CDK5RAP2: variants seen among roughly 807,000 people sequenced by gnomAD.
CDK5RAP2 encodes CDK5 regulatory subunit-associated protein 2.
Under a neutral mutation model 232.9 loss-of-function variants are expected in CDK5RAP2, and 147 were observed. The observed-to-expected ratio is 0.63, with a 90% confidence interval of 0.55 to 0.72. The LOEUF (loss-of-function observed/expected upper bound fraction) is 0.72. Among genes scored for constraint, CDK5RAP2 ranks in the 30% least tolerant of loss-of-function variants. The probability of loss-of-function intolerance (pLI) is 0.00; values close to 1 mark genes in which losing one functional copy is unlikely to be tolerated. For synonymous variants in CDK5RAP2, 833 were observed against 833.7 expected (o/e 1.00, Z 0.01); for missense variants, 2,195 against 2,231.5 (o/e 0.98, Z 0.33).
rs142063802 is a variant in CDK5RAP2 at position 120,519,468 on chromosome 9, T to C, written c.1093-823A>G. Among the ~76,000 whole-genome samples, 539 of 151,554 alleles carry C rather than the reference T, an allele frequency of 3.6e-3. 1 individual carries two copies. Among genetic ancestry groups the C allele is most frequent in the African/African-American group, 0.011 (464 of 41,398 alleles). On this transcript the variant is annotated intron_variant, in intron 11 of 37. Coordinates refer to ENST00000349780, the MANE Select transcript of CDK5RAP2 (RefSeq NM_018249.6). Reference sequence around the variant, plus strand: ...ACCAAAACAAAACAACCTTGACAAATAGATTCGGGTATATGAAGACAGATT... The same window carrying C: ...ACCAAAACAAAACAACCTTGACAAACAGATTCGGGTATATGAAGACAGATT...
chr9:120,463,868 T>A (rs923014557), intron 18 of CDK5RAP2, among the ~76,000 whole-genome samples: 26 of 152,198 alleles, frequency 1.7e-4, no homozygotes, highest in African/African-American at 6.0e-4. Flanking sequence ...TCATGCTGCA[T>A]GCTATTTACT....
chr9:120,490,557 A>C (rs2038850115), intron 13 of CDK5RAP2, among the ~76,000 whole-genome samples: 1 of 152,186 alleles, frequency 6.6e-6, no homozygotes. Flanking sequence ...TGCAGCATAA[A>C]CCAGCTTGCT....
intron 12 of CDK5RAP2, among the ~76,000 whole-genome samples, chr9:120,503,913 CA>C (rs1431686062): frequency 6.6e-6 from 1 of 152,094 alleles, no homozygotes; most frequent in Non-Finnish European, 1.5e-5. Context: ...TCTTGTCATC[CA>C]ACAGTTAACC....
chr9:120,407,820 C>T (rs1301622013), intron 31 of CDK5RAP2: 2 of 205,314 alleles, frequency 9.7e-6, no homozygotes, highest in African/African-American at 4.7e-5. Context: ...CAGAGAGCAA[C>T]GAGGCCAACA....
chr9:120,413,794 T>C (rs1319054832), intron 28 of CDK5RAP2, among the ~76,000 whole-genome samples: 1 of 104,918 alleles, frequency 9.5e-6, no homozygotes, highest in Non-Finnish European at 1.9e-5. Flanking sequence ...ATGCAGGAAA[T>C]GGGCGCAGTG....
chr9:120,447,014 G>C (rs2036228974), intron 22 of CDK5RAP2, among the ~76,000 whole-genome samples: 1 of 152,154 alleles, frequency 6.6e-6, no homozygotes. Context: ...ATGTAAGCTA[G>C]ACAAAGACTT....
rs112852022 is a variant in CDK5RAP2, at chr9:120,427,691, A to G, written c.3956-4950T>C. ...TAGGCAGAATTTCTCTAATTTCTCT[A>G]AGTGGAAAGGGAGTAGAAGTCTTAC... is the stretch of plus-strand genomic sequence containing the variant. On this transcript the variant is annotated intron_variant, in intron 25 of 37. Transcript: ENST00000349780. Among the ~76,000 whole-genome samples the G allele has an allele frequency of 7.6e-3, 1,160 of 152,330 alleles. 14 individuals carry two copies. The highest frequency in any genetic ancestry group is 0.026 in the African/African-American group (1,095 of 41,578).
At chr9:120,480,463 GAT>G (rs1318901280) in intron 14 of CDK5RAP2, among the ~76,000 whole-genome samples, 4 of 152,150 alleles carry the variant, frequency 2.6e-5, no homozygotes, top group African/African-American at 9.7e-5. Flanking sequence ...ATATGTTGCA[GAT>G]ATCTCAAAAT....
At chr9:120,446,156 C>A (rs1682711899) in intron 22 of CDK5RAP2, among the ~76,000 whole-genome samples, 1 of 152,250 alleles carries the variant, frequency 6.6e-6, no homozygotes, top group East Asian at 1.9e-4. Flanking sequence ...CAAACAGAGA[C>A]AATATGCAAA....
At position 120,430,536 on chromosome 9, in the gene CDK5RAP2, G is replaced by T. The variant is rs1201745189; in HGVS notation, c.3955+6759C>A. 1.6e-4 allele frequency among the ~76,000 whole-genome samples: 24 copies of T among 152,052 alleles called. No individual in the cohort carries two copies. The East Asian group carries it at 2.1e-3, about 13-fold the overall frequency. ...ATGCTCATCATCACTGGCCATCAGA[G>T]AAATGCAAATCAAAACCACAATGAG... On this transcript the variant is annotated intron_variant, in intron 25 of 37. Transcript: ENST00000349780.
chr9:120,437,021 G>A (rs1274483390), intron 25 of CDK5RAP2, among the ~76,000 whole-genome samples: 1 of 152,200 alleles, frequency 6.6e-6, no homozygotes, highest in Admixed American at 6.5e-5. Context: ...CTGAGTGAGA[G>A]GCAGTGCCTT....
At position 120,435,469 on chromosome 9, in the gene CDK5RAP2, T is replaced by TTA. The variant is rs34299784; in HGVS notation, c.3955+1824_3955+1825dup. 3.7e-4 allele frequency among the ~76,000 whole-genome samples: 41 copies of TTA among 110,906 alleles called. No homozygotes were observed. In the South Asian group the frequency reaches 0.013, roughly 35 times the overall value. 72.8% of individuals were successfully genotyped at this position (110,906 alleles called of 152,430 possible). A position where few individuals can be genotyped will look rare whatever the true frequency, so the allele number is the denominator to read the frequency against. ...TTTTTTTAAAAAATAAATTACACAT[T>TTA]TACACACACACACACACACACACAC... On this transcript the variant is annotated intron_variant, in intron 25 of 37. Transcript: ENST00000349780.
chr9:120,425,207 G>A (rs1038461508), intron 25 of CDK5RAP2, among the ~76,000 whole-genome samples: 4 of 152,048 alleles, frequency 2.6e-5, no homozygotes, highest in South Asian at 2.1e-4. Flanking sequence ...ACAGACCCTC[G>A]AGGAGCTTGC....
At chr9:120,448,252 T>C in intron 21 of CDK5RAP2, 126 bp from the exon 22 acceptor site, 1 of 771,094 alleles carries the variant, frequency 1.3e-6, no homozygotes, top group Non-Finnish European at 2.3e-6. Context: ...CTCGTTCCCA[T>C]AATGGCAGCT....
chr9:120,467,786 C>T (rs768813803), intron 18 of CDK5RAP2, 74 bp downstream of exon 18: 38 of 1,520,464 alleles, frequency 2.5e-5, no homozygotes, highest in Non-Finnish European at 3.2e-5. Flanking sequence ...GCTGGGATTA[C>T]AGGCGTGAGC....
chr9:120,509,668 C>T (rs1188607538), intron 12 of CDK5RAP2, among the ~76,000 whole-genome samples: 1 of 152,174 alleles, frequency 6.6e-6, no homozygotes, highest in Non-Finnish European at 1.5e-5. Flanking sequence ...AAAATAGCTA[C>T]CAATTATTGC....
At chr9:120,429,174 A>C (rs1412465116) in intron 25 of CDK5RAP2, among the ~76,000 whole-genome samples, 1 of 151,686 alleles carries the variant, frequency 6.6e-6, no homozygotes, top group Non-Finnish European at 1.5e-5. Context: ...CAAAAACTGG[A>C]AGCATTCCCT....
At chr9:120,553,680 C>T (rs553416138) in intron 3 of CDK5RAP2, among the ~76,000 whole-genome samples, 1 of 152,276 alleles carries the variant, frequency 6.6e-6, no homozygotes, top group African/African-American at 2.4e-5. Flanking sequence ...AGGGTATGCT[C>T]CTTTTTTGAT....
At position 120,470,105 on chromosome 9, in the gene CDK5RAP2, C is replaced by T; in HGVS notation, c.1968+6G>A. ...AGAAAAGCACTAAAAATTAATAGGT[C>T]AATACCTTTTTCTTAAGTTCTTCTT... On this transcript the variant is annotated splice_donor_region_variant and intron_variant, in intron 17 of 37. Coordinates refer to ENST00000349780, the MANE Select transcript of CDK5RAP2 (RefSeq NM_018249.6). 7.3e-7 allele frequency: 1 copy of T among 1,369,676 alleles called. No homozygotes were observed. Among genetic ancestry groups the T allele is most frequent in the South Asian group, 1.2e-5 (1 of 83,760 alleles). 84.8% of individuals were successfully genotyped at this position (1,369,676 alleles called of 1,614,324 possible).
Sources: gnomAD v4.1 joint callset for allele counts (sites outside exome capture counted in the v4.1 genomes callset) on GRCh38, gnomAD v4.1.1 for gene constraint, MANE v1.5 for transcripts, NCBI Gene and HGNC (gene_info 2026-07-23, HGNC 2026-07-21) for gene names.